The following CAMK1D variants were observed in gnomAD, a reference collection of about 807,000 sequenced individuals.
CAMK1D encodes the protein calcium/calmodulin dependent protein kinase ID.
A neutral mutation model predicts 47.7 loss-of-function variants in CAMK1D; 9 were observed. That is an observed-to-expected ratio of 0.19 (90% CI 0.11 to 0.33). The LOEUF is 0.33. Ranked by LOEUF, CAMK1D falls within the 10% of genes least tolerant of loss-of-function variation. CAMK1D has a pLI of 1.00. For synonymous variants in CAMK1D, 184 were observed against 184.9 expected (o/e 0.99, Z 0.04); for missense variants, 291 against 488.7 (o/e 0.60, Z 3.81).
intron 1 of CAMK1D, among the ~76,000 whole-genome samples, chr10:12,532,013 T>C (rs1473563453): frequency 6.6e-6 from 1 of 152,246 alleles, no homozygotes; most frequent in African/African-American, 2.4e-5. Flanking sequence ...AATAAAGGCT[T>C]ATTAGAAATA....
chr10:12,646,033 C>G (rs1839802907), intron 2 of CAMK1D, among the ~76,000 whole-genome samples: 1 of 149,820 alleles, frequency 6.7e-6, no homozygotes, highest in Non-Finnish European at 1.5e-5. Flanking sequence ...GAATCTTCCA[C>G]TGAACAGAAA....
Position 12,810,209 on chromosome 10 carries a change from CAAAAT to C in CAMK1D, c.642-3979_642-3975del, listed in dbSNP as rs199853919. Among the ~76,000 whole-genome samples the C allele has an allele frequency of 7.9e-3, 1,076 of 136,666 alleles. 21 individuals carry two copies. The highest frequency in any genetic ancestry group is 0.028 in the African/African-American group (1,021 of 36,214). The allele number at this position is 136,666 out of a possible 152,430, so 89.7% of individuals were successfully genotyped here. ...GATCACATGTTAAGTGTCCTTACCA[CAAAAT>C]AAAATATAACAGTCACTGCCTGGTG... On this transcript the variant is annotated intron_variant, in intron 6 of 10. Transcript: ENST00000619168.
intron 1 of CAMK1D, among the ~76,000 whole-genome samples, chr10:12,523,145 C>T (rs1354113281): frequency 6.6e-5 from 10 of 151,234 alleles, no homozygotes; most frequent in South Asian, 2.1e-4. Flanking sequence ...ACCTCCCAGA[C>T]GGGGTCGCGG....
At chr10:12,650,549 T>G (rs1203094720) in intron 2 of CAMK1D, among the ~76,000 whole-genome samples, 1 of 152,142 alleles carries the variant, frequency 6.6e-6, no homozygotes, top group Admixed American at 6.5e-5. Flanking sequence ...TTTGTGGGTT[T>G]TATGTGAGGT....
intron 2 of CAMK1D, among the ~76,000 whole-genome samples, chr10:12,557,160 G>T (rs1190642810): frequency 6.6e-5 from 10 of 152,206 alleles, no homozygotes. Flanking sequence ...TTGGGAGGAT[G>T]CCCTGGTAGA....
chr10:12,431,707 G>T (rs778062700), intron 1 of CAMK1D, among the ~76,000 whole-genome samples: 1 of 152,202 alleles, frequency 6.6e-6, no homozygotes, highest in African/African-American at 2.4e-5. Context: ...GATCTCACCC[G>T]CATGACCCGG....
chr10:12,526,813 C>A (rs1835636432), intron 1 of CAMK1D, among the ~76,000 whole-genome samples: 1 of 149,436 alleles, frequency 6.7e-6, no homozygotes, highest in South Asian at 2.1e-4. Flanking sequence ...AGCTACTTGG[C>A]AGGCTGAGGC....
intron 2 of CAMK1D, among the ~76,000 whole-genome samples, chr10:12,623,171 T>C (rs966910452): frequency 8.0e-4 from 2 of 2,510 alleles, no homozygotes; most frequent in African/African-American, 2.0e-3. Context: ...TTTCTTTCCT[T>C]CCTCCCTCCC....
chr10:12,584,454 C>G (rs959513508), intron 2 of CAMK1D, among the ~76,000 whole-genome samples: 1 of 152,166 alleles, frequency 6.6e-6, no homozygotes, highest in Non-Finnish European at 1.5e-5. Context: ...CATATTTTTT[C>G]TCAGACTTTA....
At chr10:12,464,010 C>G (rs939459607) in intron 1 of CAMK1D, among the ~76,000 whole-genome samples, 1 of 152,096 alleles carries the variant, frequency 6.6e-6, no homozygotes, top group Non-Finnish European at 1.5e-5. Context: ...CGAGGCCTCC[C>G]CAGCCATGCT....
At chr10:12,785,166 G>T (rs1022629239) in intron 5 of CAMK1D, among the ~76,000 whole-genome samples, 3 of 152,220 alleles carry the variant, frequency 2.0e-5, no homozygotes, top group Non-Finnish European at 2.9e-5. Context: ...CGACTGGCTT[G>T]CATAGGTCCC....
chr10:12,377,681 C>T (rs755105269), intron 1 of CAMK1D, among the ~76,000 whole-genome samples: 3 of 152,120 alleles, frequency 2.0e-5, no homozygotes, highest in Admixed American at 6.5e-5. Context: ...TATAGGAATG[C>T]ACTTCAAGGG....
rs560562888 is a variant in CAMK1D, at chr10:12,616,662, C to G, written c.225-50074C>G. On this transcript the variant is annotated intron_variant, in intron 2 of 10. Coordinates refer to ENST00000619168, the MANE Select transcript of CAMK1D (RefSeq NM_153498.4). ...CCTCCCGAGTAGCTGGGACTACAGG[C>G]GCCCGCCACTAAGCCCGGCTAATTT... Among the ~76,000 whole-genome samples the G allele has an allele frequency of 1.0e-3, 155 of 150,500 alleles. 1 individual carries two copies. Among genetic ancestry groups the G allele is most frequent in the African/African-American group, 3.7e-3 (150 of 40,052 alleles).
chr10:12,421,785 GT>G lies in CAMK1D; in HGVS notation c.92+71883del, dbSNP rs557835868. Among the ~76,000 whole-genome samples, 8 of 150,250 alleles carry G rather than the reference GT, an allele frequency of 5.3e-5. No homozygotes were observed. In the East Asian group the frequency reaches 1.2e-3, roughly 22 times the overall value. ...GATAGTTCCTGATCATGCCTTTGTG[GT>G]TTTTTTTCTATTCGCTTGGGGGCAG... On this transcript the variant is annotated intron_variant, in intron 1 of 10. Coordinates refer to ENST00000619168, the MANE Select transcript of CAMK1D (RefSeq NM_153498.4).
intron 3 of CAMK1D, among the ~76,000 whole-genome samples, chr10:12,727,188 G>A (rs1051233098): frequency 4.6e-5 from 7 of 152,192 alleles, no homozygotes; most frequent in East Asian, 1.9e-4. Flanking sequence ...ACTGAGCCTC[G>A]TTTTGATGAT....
chr10:12,780,082 T>A (rs1837426932), intron 5 of CAMK1D, among the ~76,000 whole-genome samples: 1 of 152,182 alleles, frequency 6.6e-6, no homozygotes, highest in Non-Finnish European at 1.5e-5. Flanking sequence ...TAAAAGGAGA[T>A]GGAGAACAGT....
chr10:12,758,369 T>TATGACAATATCATATTGTCATAAAAA (rs1564539972), intron 3 of CAMK1D, among the ~76,000 whole-genome samples: 3 of 26,738 alleles, frequency 1.1e-4, no homozygotes, highest in Admixed American at 5.2e-4. Context: ...GTCATAAAAA[T>TATGACAATATCATATTGTCATAAAAA]ATATGACAAT....
At chr10:12,630,639 G>A (rs1197463312) in intron 2 of CAMK1D, among the ~76,000 whole-genome samples, 1 of 151,696 alleles carries the variant, frequency 6.6e-6, no homozygotes, top group Non-Finnish European at 1.5e-5. Flanking sequence ...GGCTGTTCTT[G>A]GATTCCTGGC....
At chr10:12,619,025 T>C (rs1838909278) in intron 2 of CAMK1D, among the ~76,000 whole-genome samples, 1 of 152,248 alleles carries the variant, frequency 6.6e-6, no homozygotes, top group Non-Finnish European at 1.5e-5. Flanking sequence ...TGCTATGCAG[T>C]ACTACTACCT....
Sources: allele counts gnomAD v4.1 joint callset (sites outside exome capture counted in the v4.1 genomes callset), GRCh38; gene constraint gnomAD v4.1.1; transcripts MANE v1.5; gene names NCBI Gene and HGNC (gene_info 2026-07-23, HGNC 2026-07-21).